Variants in FAM204A observed in about 807,000 individuals in gnomAD.
FAM204A encodes the protein protein FAM204A.
In FAM204A, 16 loss-of-function variants were observed where a neutral mutation model predicts 35.4. That is an observed-to-expected ratio of 0.45 (90% CI 0.31 to 0.69). The LOEUF (loss-of-function observed/expected upper bound fraction) is 0.69. Ranked by LOEUF, FAM204A falls within the 30% of genes least tolerant of loss-of-function variation. FAM204A has a pLI of 0.07. For synonymous variants in FAM204A, 76 were observed against 86.9 expected (o/e 0.88, Z 0.70); for missense variants, 240 against 265.7 (o/e 0.90, Z 0.67).
Position 118,299,601 on chromosome 10 carries a change from G to T in FAM204A, c.*11256C>A. On this transcript the variant is annotated 3_prime_UTR_variant, in exon 9 of 9. Transcript: ENST00000369183. ...TCCTGCTGTTGCTCAGGCTAGTCTT[G>T]AACTCCTAGGCTCAAGCAGCTCTCC... The T allele has an allele frequency of 6.6e-6, 1 of 152,028 alleles. No homozygotes were observed. Among genetic ancestry groups the T allele is most frequent in the South Asian group, 2.1e-4 (1 of 4,834 alleles). The allele number at this position is 152,028 out of a possible 1,614,324, so 9.4% of individuals were successfully genotyped here.
chr10:118,317,005 C>T (rs1050458213), intron 7 of FAM204A, among the ~76,000 whole-genome samples: 1 of 152,082 alleles, frequency 6.6e-6, no homozygotes, highest in Admixed American at 6.6e-5. Context: ...ACACAGCCCC[C>T]ATAAGAAAGA....
rs993867399 is a variant in FAM204A, at chr10:118,304,936, A to C, written c.*5921T>G. On this transcript the variant is annotated 3_prime_UTR_variant, in exon 9 of 9. Transcript: ENST00000369183. ...TATTTACTAAAATTTCTTTCCTCCCAGTCTATATTTTCCAGCTTCCCTTGT... is the reference window on the plus strand; with the variant it reads ...TATTTACTAAAATTTCTTTCCTCCCCGTCTATATTTTCCAGCTTCCCTTGT... 3 of 152,202 alleles carry C rather than the reference A, an allele frequency of 2.0e-5. No homozygotes were observed. The highest frequency in any genetic ancestry group is 2.0e-4 in the Admixed American group (3 of 15,286). The allele number at this position is 152,202 out of a possible 1,614,324, so 9.4% of individuals were successfully genotyped here.
At chr10:118,333,144 G>A (rs1336328452) in intron 6 of FAM204A, among the ~76,000 whole-genome samples, 1 of 152,118 alleles carries the variant, frequency 6.6e-6, no homozygotes, top group Admixed American at 6.6e-5. Flanking sequence ...GGTTGAGCAA[G>A]TTTCAGCTTG....
intron 7 of FAM204A, among the ~76,000 whole-genome samples, chr10:118,311,780 A>C (rs1845955602): frequency 6.6e-6 from 1 of 152,310 alleles, no homozygotes; most frequent in Non-Finnish European, 1.5e-5. Flanking sequence ...TTAATAAAAC[A>C]TGGGAAAGCT....
At chr10:118,311,489 C>T (rs1012941095) in intron 7 of FAM204A, 176 bp from the exon 8 acceptor site, 11 of 566,712 alleles carry the variant, frequency 1.9e-5, no homozygotes, top group African/African-American at 3.8e-5. Flanking sequence ...CCCATATCTC[C>T]CGTGACTCCC....
chr10:118,331,524 G>A (rs774134478), intron 6 of FAM204A, among the ~76,000 whole-genome samples: 1 of 152,118 alleles, frequency 6.6e-6, no homozygotes, highest in Non-Finnish European at 1.5e-5. Context: ...AGAAATGTAT[G>A]GGTACTTGGT....
At chr10:118,331,111 C>T (rs959006499) in intron 6 of FAM204A, among the ~76,000 whole-genome samples, 8 of 152,166 alleles carry the variant, frequency 5.3e-5, no homozygotes, top group African/African-American at 1.9e-4. Context: ...CTGCATTATA[C>T]TTCTTCAAGC....
rs1243152803 is a variant in FAM204A at position 118,299,548 on chromosome 10, T to TA, written c.*11308dup. The stretch of plus-strand genomic sequence containing the variant: ...ACAGGGGTGTACCACCACATATGGC[T>TA]AATTTTTTATTTTTTGTAGTGATGA... On this transcript the variant is annotated 3_prime_UTR_variant, in exon 9 of 9. Transcript: ENST00000369183. The TA allele has an allele frequency of 6.6e-6, 1 of 151,990 alleles. No homozygotes were observed. The highest frequency in any genetic ancestry group is 2.4e-5 in the African/African-American group (1 of 41,330). 9.4% of individuals were successfully genotyped at this position (151,990 alleles called of 1,614,324 possible). A position where few individuals can be genotyped will look rare whatever the true frequency, so the allele number is the denominator to read the frequency against.
rs1474204902 is a variant in FAM204A at position 118,326,250 on chromosome 10, A to G, written c.454-7T>C. 1.2e-6 allele frequency: 2 copies of G among 1,610,350 alleles called. No homozygotes were observed. Among genetic ancestry groups the G allele is most frequent in the Non-Finnish European group, 1.7e-6 (2 of 1,178,342 alleles). On this transcript the variant is annotated splice_polypyrimidine_tract_variant and splice_region_variant and intron_variant, in intron 6 of 8. Coordinates refer to ENST00000369183, the MANE Select transcript of FAM204A (RefSeq NM_022063.3). ...TCCTCTTTTCAAGGCCTGACTAGAA[A>G]AAAAAGAAACCTAAAATTAAGGGCT... is the stretch of plus-strand genomic sequence containing the variant.
At chr10:118,315,205 T>TA (rs1485588960) in intron 7 of FAM204A, among the ~76,000 whole-genome samples, 4 of 152,166 alleles carry the variant, frequency 2.6e-5, no homozygotes, top group Non-Finnish European at 5.9e-5. Context: ...TATTGGGTTG[T>TA]AAAATAGATA....
chr10:118,328,016 G>A (rs186341815), intron 6 of FAM204A, among the ~76,000 whole-genome samples: 3 of 152,206 alleles, frequency 2.0e-5, no homozygotes, highest in East Asian at 3.9e-4. Context: ...GGGGGTAGTC[G>A]GGGACAAGAA....
At chr10:118,337,298 C>G (rs145615940) in intron 2 of FAM204A, 703 of 930,240 alleles carry the variant, frequency 7.6e-4, no homozygotes, top group African/African-American at 4.4e-3. Flanking sequence ...TCAAAAGATG[C>G]TTAAAATAGA....
rs1466095893 is a variant in FAM204A, at chr10:118,309,560, T to C, written c.*1297A>G. The C allele has an allele frequency of 2.6e-5, 4 of 152,096 alleles. No homozygotes were observed. 9.4% of individuals were successfully genotyped at this position (152,096 alleles called of 1,614,324 possible). A position where few individuals can be genotyped will look rare whatever the true frequency, so the allele number is the denominator to read the frequency against. ...CTCCGCTGGGCACTGAGCAGGGAGG[T>C]GCCGACACACCTGGTCTTGTTCACC... On this transcript the variant is annotated 3_prime_UTR_variant, in exon 9 of 9. Coordinates refer to ENST00000369183, the MANE Select transcript of FAM204A (RefSeq NM_022063.3).
In FAM204A at chr10:118,308,562, G is replaced by A. The variant is rs1589716831; in HGVS notation, c.*2295C>T. ...AACCCCTTCTTCTGCTACACATAAC[G>A]TTTTAGAGCTTTCCACAACCCATGC... On this transcript the variant is annotated 3_prime_UTR_variant, in exon 9 of 9. Coordinates refer to ENST00000369183, the MANE Select transcript of FAM204A (RefSeq NM_022063.3). 6.6e-6 allele frequency: 1 copy of A among 152,134 alleles called. No homozygotes were observed. Among genetic ancestry groups the A allele is most frequent in the Admixed American group, 6.5e-5 (1 of 15,270 alleles). 9.4% of individuals were successfully genotyped at this position (152,134 alleles called of 1,614,324 possible). A position where few individuals can be genotyped will look rare whatever the true frequency, so the allele number is the denominator to read the frequency against.
chr10:118,318,921 A>G (rs1025176681), intron 7 of FAM204A, among the ~76,000 whole-genome samples: 4 of 151,628 alleles, frequency 2.6e-5, no homozygotes, highest in Admixed American at 2.0e-4. Context: ...ATTATTTGGG[A>G]AGGGCTTTTT....
At chr10:118,315,080 T>C (rs938713145) in intron 7 of FAM204A, among the ~76,000 whole-genome samples, 1 of 152,068 alleles carries the variant, frequency 6.6e-6, no homozygotes, top group African/African-American at 2.4e-5. Context: ...CCTTGAGGCA[T>C]TCATCTTTAC....
chr10:118,332,428 T>C (rs549651761), intron 6 of FAM204A, among the ~76,000 whole-genome samples: 23 of 151,640 alleles, frequency 1.5e-4, no homozygotes, highest in Non-Finnish European at 2.8e-4. Flanking sequence ...GGGATCTTCA[T>C]GGTACCACTA....
intron 2 of FAM204A, among the ~76,000 whole-genome samples, chr10:118,338,878 G>A (rs889096266): frequency 6.6e-6 from 1 of 152,120 alleles, no homozygotes; most frequent in Non-Finnish European, 1.5e-5. Flanking sequence ...TGTTGTTGTT[G>A]CTAATCAGCC....
At chr10:118,313,212 A>T (rs1845980508) in intron 7 of FAM204A, among the ~76,000 whole-genome samples, 1 of 152,066 alleles carries the variant, frequency 6.6e-6, no homozygotes, top group Admixed American at 6.6e-5. Flanking sequence ...ACCTTGCAGT[A>T]TCCAACAAAT....
Sources: gnomAD v4.1 joint callset for allele counts (sites outside exome capture counted in the v4.1 genomes callset) on GRCh38, gnomAD v4.1.1 for gene constraint, MANE v1.5 for transcripts, NCBI Gene and HGNC (gene_info 2026-07-23, HGNC 2026-07-21) for gene names.